Variants in PHACTR1 observed in about 807,000 individuals in gnomAD.
PHACTR1 encodes RPEL repeat containing 1.
Under a neutral mutation model 69.2 loss-of-function variants are expected in PHACTR1, and 16 were observed. The ratio of observed to expected loss-of-function variants is 0.23; its 90% CI spans 0.16 to 0.35. The LOEUF (loss-of-function observed/expected upper bound fraction) is 0.35, where lower values mean the gene tolerates loss of function less well. PHACTR1 is among the 10% of genes least tolerant of loss of function. The probability of loss-of-function intolerance (pLI) is 1.00; values close to 1 mark genes in which losing one functional copy is unlikely to be tolerated. For missense variants in PHACTR1, 510 were observed against 734.7 expected, an observed-to-expected ratio of 0.69 and a Z score of 3.54; for synonymous variants, 312 against 284.5, an observed-to-expected ratio of 1.10 and a Z score of -0.97.
chr6:13,032,747 T>C (rs1802636893), intron 4 of PHACTR1, among the ~76,000 whole-genome samples: 3 of 151,998 alleles, frequency 2.0e-5, no homozygotes, highest in Non-Finnish European at 4.4e-5. Context: ...TCACGAGGAC[T>C]ATAGGCATGC....
intron 4 of PHACTR1, 91 bp from the exon 5 acceptor site, chr6:13,053,274 G>A: frequency 1.5e-6 from 2 of 1,306,920 alleles, no homozygotes; most frequent in Non-Finnish European, 2.1e-6. Context: ...TCTGTTATCT[G>A]TAACCATGGA....
intron 4 of PHACTR1, among the ~76,000 whole-genome samples, chr6:12,830,939 G>A (rs933295502): frequency 6.6e-6 from 1 of 152,002 alleles, no homozygotes; most frequent in African/African-American, 2.4e-5. Context: ...ATGGATTTAG[G>A]GGGTACAAGT....
intron 5 of PHACTR1, among the ~76,000 whole-genome samples, chr6:13,083,652 G>T (rs1415421965): frequency 6.6e-6 from 1 of 152,068 alleles, no homozygotes; most frequent in Non-Finnish European, 1.5e-5. Flanking sequence ...CCTTGAAGAG[G>T]TCCTTTACAT....
intron 4 of PHACTR1, among the ~76,000 whole-genome samples, chr6:13,033,895 A>AATT (rs1036170699): frequency 2.1e-4 from 9 of 42,276 alleles, no homozygotes; most frequent in African/African-American, 1.2e-3. Context: ...CCTAAGAAAT[A>AATT]ATTTTAAAAC....
chr6:13,179,798 A>C lies in PHACTR1; in HGVS notation c.497-2721A>C, dbSNP rs775590467. Among the ~76,000 whole-genome samples, 1 of 152,194 alleles carries C rather than the reference A, an allele frequency of 6.6e-6. No homozygotes were observed. Among genetic ancestry groups the C allele is most frequent in the Non-Finnish European group, 1.5e-5 (1 of 68,024 alleles). On this transcript the variant is annotated intron_variant, in intron 6 of 14. Coordinates refer to ENST00000332995, the MANE Select transcript of PHACTR1 (RefSeq NM_030948.6). This position sits in a 1 kb window ranked among gnomAD's most constrained non-coding sequence, Gnocchi z 4.2. ...GTTGAAGAAATTGCCAAAAGCTAAAATATGTGTATGGTCTGTACATTTCTT... is the reference window on the plus strand; with the variant it reads ...GTTGAAGAAATTGCCAAAAGCTAAACTATGTGTATGGTCTGTACATTTCTT...
At chr6:13,253,583 A>G (rs757628074) in intron 10 of PHACTR1, among the ~76,000 whole-genome samples, 1 of 152,204 alleles carries the variant, frequency 6.6e-6, no homozygotes, top group Non-Finnish European at 1.5e-5. Flanking sequence ...CTGCTTAGAG[A>G]AGTAAGGACA....
At chr6:13,263,482 T>C (rs1264756293) in intron 10 of PHACTR1, among the ~76,000 whole-genome samples, 1 of 152,100 alleles carries the variant, frequency 6.6e-6, no homozygotes, top group African/African-American at 2.4e-5. Flanking sequence ...CCATAGTCCA[T>C]GGTAAAGAAA....
At chr6:12,898,926 C>G (rs1784939668) in intron 4 of PHACTR1, among the ~76,000 whole-genome samples, 1 of 152,194 alleles carries the variant, frequency 6.6e-6, no homozygotes, top group Admixed American at 6.5e-5. Context: ...GTATCTCACC[C>G]CTTGCCCTTT....
chr6:13,097,351 C>T lies in PHACTR1; in HGVS notation c.415+43822C>T, dbSNP rs376888969. Among the ~76,000 whole-genome samples the T allele has an allele frequency of 1.1e-4, 16 of 152,310 alleles. No homozygotes were observed. The East Asian group carries it at 2.5e-3, about 24-fold the overall frequency. On this transcript the variant is annotated intron_variant, in intron 5 of 14. Transcript: ENST00000332995. ...CATGTCTTGGCCTCCTGCCCCCACC[C>T]CTCTTCACCTCCTGCCCCTAGTTCC...
At chr6:12,962,296 T>G (rs1446130517) in intron 4 of PHACTR1, among the ~76,000 whole-genome samples, 1 of 152,116 alleles carries the variant, frequency 6.6e-6, no homozygotes, top group African/African-American at 2.4e-5. Context: ...TTAACCTTAA[T>G]CATCTCTTTC....
intron 4 of PHACTR1, among the ~76,000 whole-genome samples, chr6:12,773,381 T>C (rs1254432804): frequency 6.6e-6 from 1 of 152,162 alleles, no homozygotes; most frequent in Non-Finnish European, 1.5e-5. Context: ...TGACAAATGG[T>C]ATATTTCCCC....
chr6:13,066,293 G>A (rs1040808154), intron 5 of PHACTR1, among the ~76,000 whole-genome samples: 11 of 152,132 alleles, frequency 7.2e-5, no homozygotes, highest in African/African-American at 1.2e-4. Context: ...AATAGGTACC[G>A]GATAAGTACA....
At chr6:12,995,513 T>A (rs953582800) in intron 4 of PHACTR1, among the ~76,000 whole-genome samples, 1 of 152,010 alleles carries the variant, frequency 6.6e-6, no homozygotes, top group Non-Finnish European at 1.5e-5. Flanking sequence ...ATAAAATAGA[T>A]TTTAAAGCTA....
chr6:12,957,730 A>G lies in PHACTR1; in HGVS notation c.251-95635A>G, dbSNP rs979401205. ...GGATAAAATGGACCCTTCATGCCAG[A>G]TGGGTGGCCACCTAGTCCACGGTGA... On this transcript the variant is annotated intron_variant, in intron 4 of 14. Coordinates refer to ENST00000332995, the MANE Select transcript of PHACTR1 (RefSeq NM_030948.6). The G allele has an allele frequency of 2.9e-5, 29 of 985,462 alleles. No individual in the cohort carries two copies. The African/African-American group carries it at 4.7e-4, about 16-fold the overall frequency. The allele number at this position is 985,462 out of a possible 1,614,324, so 61.0% of individuals were successfully genotyped here.
At position 12,797,008 on chromosome 6, in the gene PHACTR1, A is replaced by AGTGT. The variant is rs10577949; in HGVS notation, c.250+47248_250+47251dup. Reference sequence around the variant, plus strand: ...AGGGTGTCCAGCTCCGAAGCCTAGGAGTGTGTGTGTGTGTGTGTGTGTGTG... The same window carrying AGTGT: ...AGGGTGTCCAGCTCCGAAGCCTAGGAGTGTGTGTGTGTGTGTGTGTGTGTGTGTG... On this transcript the variant is annotated intron_variant, in intron 4 of 14. Transcript: ENST00000332995. Among the ~76,000 whole-genome samples the AGTGT allele has an allele frequency of 2.7e-3, 377 of 138,304 alleles. 1 individual carries two copies. Among genetic ancestry groups the AGTGT allele is most frequent in the Middle Eastern group, 0.011 (3 of 278 alleles). The allele number at this position is 138,304 out of a possible 152,430, so 90.7% of individuals were successfully genotyped here.
chr6:13,193,635 G>A (rs947224169), intron 7 of PHACTR1, among the ~76,000 whole-genome samples: 6 of 151,610 alleles, frequency 4.0e-5, no homozygotes, highest in South Asian at 4.2e-4. Context: ...CAGTCCTCCT[G>A]CCTCAGCCTC....
intron 3 of PHACTR1, 50 bp from the exon 4 acceptor site, chr6:12,749,594 C>T: frequency 7.3e-7 from 1 of 1,371,076 alleles, no homozygotes; most frequent in Non-Finnish European, 1.0e-6. Context: ...CTCTCCCCTC[C>T]TCCCCCTTCC....
intron 4 of PHACTR1, among the ~76,000 whole-genome samples, chr6:12,840,748 C>T (rs1315228316): frequency 1.3e-5 from 2 of 152,218 alleles, no homozygotes; most frequent in Admixed American, 6.5e-5. Flanking sequence ...TACACCTCCA[C>T]CCCCAAATTT....
At position 12,739,398 on chromosome 6, in the gene PHACTR1, A is replaced by G. The variant is rs190133375; in HGVS notation, c.104-10246A>G. Among the ~76,000 whole-genome samples, 108 of 152,308 alleles carry G rather than the reference A, an allele frequency of 7.1e-4. No individual in the cohort carries two copies. The Middle Eastern group carries it at 0.014, about 19-fold the overall frequency. ...ATGTATAAAGACAGCCCAAGTCATC[A>G]ATACATTATTTTAATGGATTAATTA... On this transcript the variant is annotated intron_variant, in intron 3 of 14. Transcript: ENST00000332995.
Sources: gnomAD v4.1 joint callset for allele counts (sites outside exome capture counted in the v4.1 genomes callset) on GRCh38, gnomAD v4.1.1 for gene constraint, Gnocchi (gnomAD v3.1) non-coding constraint, MANE v1.5 for transcripts, NCBI Gene and HGNC (gene_info 2026-07-23, HGNC 2026-07-21) for gene names.